The following SLC43A2 variants were observed in gnomAD, a reference collection of about 807,000 sequenced individuals.
The protein encoded by SLC43A2 is solute carrier family 43 member 2.
A neutral mutation model predicts 63.2 loss-of-function variants in SLC43A2; 38 were observed. The observed-to-expected ratio is 0.60, with a 90% confidence interval of 0.46 to 0.79. The LOEUF (loss-of-function observed/expected upper bound fraction) is 0.79, where lower values mean the gene tolerates loss of function less well. SLC43A2 is among the 30% of genes least tolerant of loss of function. The pLI is 0.00. For missense variants in SLC43A2, 644 were observed against 756.2 expected, an observed-to-expected ratio of 0.85 and a Z score of 1.74; for synonymous variants, 322 against 331.0, an observed-to-expected ratio of 0.97 and a Z score of 0.30.
intron 9 of SLC43A2, among the ~76,000 whole-genome samples, chr17:1,587,944 C>T (rs1415901887): frequency 6.6e-6 from 1 of 152,178 alleles, no homozygotes; most frequent in Non-Finnish European, 1.5e-5. Context: ...GCACTGTTGG[C>T]CCTGGACTGT....
intron 5 of SLC43A2, among the ~76,000 whole-genome samples, chr17:1,602,028 G>A (rs146670978): frequency 6.6e-6 from 1 of 152,142 alleles, no homozygotes; most frequent in Non-Finnish European, 1.5e-5. Flanking sequence ...CCCTCCCGAA[G>A]GTCCAAACCA....
rs749458286 is a variant in SLC43A2 at position 1,616,813 on chromosome 17, G to C, written c.161-44C>G. On this transcript the variant is annotated intron_variant, in intron 2 of 13. Coordinates refer to ENST00000301335, the MANE Select transcript of SLC43A2 (RefSeq NM_152346.3). The stretch of plus-strand genomic sequence containing the variant: ...AAACCCTGACCTCAGGGTCATGACA[G>C]GGATTCCCAAAGATCAGAAGGGCAG... 4.4e-6 allele frequency: 7 copies of C among 1,601,622 alleles called. No homozygotes were observed. In the East Asian group the frequency reaches 1.1e-4, roughly 26 times the overall value.
chr17:1,591,875 T>C (rs924881271), intron 6 of SLC43A2, among the ~76,000 whole-genome samples, 176 bp from the exon 7 acceptor site: 7 of 151,950 alleles, frequency 4.6e-5, no homozygotes, highest in Non-Finnish European at 1.0e-4. Flanking sequence ...CGCCTTCCAG[T>C]CCTCCCACCG....
chr17:1,586,927 A>AT, intron 9 of SLC43A2: 4 of 1,355,946 alleles, frequency 2.9e-6, no homozygotes, highest in Admixed American at 2.0e-5. Context: ...TTCCCTGACA[A>AT]TCCCCCCCAC....
intron 5 of SLC43A2, among the ~76,000 whole-genome samples, chr17:1,596,155 C>T (rs1167603285): frequency 6.6e-6 from 1 of 151,852 alleles, no homozygotes; most frequent in Admixed American, 6.6e-5. Context: ...CCTATCTCTA[C>T]TAAAAATACA....
rs1344539033 is a variant in SLC43A2, at chr17:1,573,217, T to A, written c.*2387A>T. The A allele has an allele frequency of 1.3e-5, 2 of 149,504 alleles. No homozygotes were observed. The highest frequency in any genetic ancestry group is 3.0e-5 in the Non-Finnish European group (2 of 67,686). 9.3% of individuals were successfully genotyped at this position (149,504 alleles called of 1,614,324 possible). A position where few individuals can be genotyped will look rare whatever the true frequency, so the allele number is the denominator to read the frequency against. On this transcript the variant is annotated 3_prime_UTR_variant, in exon 14 of 14. Transcript: ENST00000301335. ...AAAAAAAAGGCGGCCTTTTCCCAGC[T>A]GGCAGCACCCTGGCTAGTTAGGGTT...
upstream of SLC43A2, among the ~76,000 whole-genome samples, chr17:1,629,399 G>T (rs1908986343): frequency 6.6e-6 from 1 of 152,004 alleles, no homozygotes; most frequent in African/African-American, 2.4e-5. Context: ...CCGCCCCGGT[G>T]GTTCCCGTCC....
intron 5 of SLC43A2, among the ~76,000 whole-genome samples, chr17:1,611,977 G>GT (rs745577589): frequency 1.3e-5 from 2 of 151,942 alleles, no homozygotes; most frequent in African/African-American, 2.4e-5. Context: ...TTTTGTTGTT[G>GT]TTTTTGAGAC....
intron 9 of SLC43A2, among the ~76,000 whole-genome samples, 187 bp downstream of exon 9, chr17:1,590,615 G>A (rs543684299): frequency 2.0e-5 from 3 of 152,330 alleles, no homozygotes; most frequent in African/African-American, 7.2e-5. Context: ...AGGAAACCCT[G>A]ATGGGGACAC....
In SLC43A2 at chr17:1,583,867, T is replaced by TTTTTG. The variant is rs1022511452; in HGVS notation, c.1218-536_1218-532dup. On this transcript the variant is annotated intron_variant, in intron 10 of 13. Transcript: ENST00000301335. This position sits in a 1 kb window ranked among gnomAD's most constrained non-coding sequence, Gnocchi z 5.5. The stretch of plus-strand genomic sequence containing the variant: ...CCTGACCTAGATAGCACAGCACTGT[T>TTTTTG]TTTTGTTTTGTTTTGTTTTGTTTTT... 2.6e-5 allele frequency among the ~76,000 whole-genome samples: 4 copies of TTTTTG among 151,938 alleles called. No individual in the cohort carries two copies.
chr17:1,597,498 C>G (rs866171859), intron 5 of SLC43A2, among the ~76,000 whole-genome samples: 1 of 131,420 alleles, frequency 7.6e-6, no homozygotes, highest in African/African-American at 2.8e-5. Context: ...GAGCAAGACT[C>G]AAAAAAAAAA....
rs997311621 is a variant in SLC43A2 at position 1,593,005 on chromosome 17, G to A, written c.594+182C>T. On this transcript the variant is annotated intron_variant, in intron 6 of 13. Transcript: ENST00000301335. This position sits in a 1 kb window ranked among gnomAD's most constrained non-coding sequence, Gnocchi z 5.3. ...TCCTGCAGCCACATGCGTGATTCCCGTCCCCTGAGGCCCCGCGGTTTTCAT... is the reference window on the plus strand; with the variant it reads ...TCCTGCAGCCACATGCGTGATTCCCATCCCCTGAGGCCCCGCGGTTTTCAT... Among the ~76,000 whole-genome samples the A allele has an allele frequency of 2.0e-5, 3 of 152,144 alleles. No individual in the cohort carries two copies. Among genetic ancestry groups the A allele is most frequent in the African/African-American group, 2.4e-5 (1 of 41,440 alleles).
chr17:1,578,742 CT>C lies in SLC43A2; in HGVS notation c.1351-420del, dbSNP rs1290864189. 1 of 166,534 alleles carries C rather than the reference CT, an allele frequency of 6.0e-6. No individual in the cohort carries two copies. The highest frequency in any genetic ancestry group is 1.3e-5 in the Non-Finnish European group (1 of 75,956). The allele number at this position is 166,534 out of a possible 1,614,324, so 10.3% of individuals were successfully genotyped here. A position where few individuals can be genotyped will look rare whatever the true frequency, so the allele number is the denominator to read the frequency against. On this transcript the variant is annotated intron_variant, in intron 11 of 13. Transcript: ENST00000301335. This position sits in a 1 kb window ranked among gnomAD's most constrained non-coding sequence, Gnocchi z 6.5. ...ATGGGGTTTCACCATGTTGGCCCGG[CT>C]GGTCTCAAACTCATGACGTTGTGAT... is the stretch of plus-strand genomic sequence containing the variant.
chr17:1,618,629 C>T (rs1286866358), intron 2 of SLC43A2, among the ~76,000 whole-genome samples: 1 of 152,232 alleles, frequency 6.6e-6, no homozygotes, highest in Non-Finnish European at 1.5e-5. Flanking sequence ...GCACTGTGGT[C>T]ACTTCTGTGT....
Position 1,578,196 on chromosome 17 carries a change from C to T in SLC43A2, c.1424+54G>A. ...TCTCAGTCCCACCAGCAACCTCCCC[C>T]CGGCCATTCCCACACCCTCGCCCAC... On this transcript the variant is annotated intron_variant, in intron 12 of 13. Coordinates refer to ENST00000301335, the MANE Select transcript of SLC43A2 (RefSeq NM_152346.3). This position sits in a 1 kb window ranked among gnomAD's most constrained non-coding sequence, Gnocchi z 6.5. 1 of 1,571,212 alleles carries T rather than the reference C, an allele frequency of 6.4e-7. No individual in the cohort carries two copies. Among genetic ancestry groups the T allele is most frequent in the Non-Finnish European group, 8.7e-7 (1 of 1,144,066 alleles).
Position 1,591,410 on chromosome 17 carries a change from T to G in SLC43A2, c.790A>C (p.Lys264Gln). 1 of 1,613,120 alleles carries G rather than the reference T, an allele frequency of 6.2e-7. No individual in the cohort carries two copies. The highest frequency in any genetic ancestry group is 1.3e-5 in the African/African-American group (1 of 74,994). The change falls in exon 8 of 14, where the codon AAG becomes CAG. Residue 264 changes from lysine (K) to glutamine (Q), a missense_variant. Around this residue, in one of 3 missense-constraint regions of SLC43A2, gnomAD observed 528 missense variants for 623.6 expected, o/e 0.85. Transcript: ENST00000301335. Reference protein sequence around the residue: ...DHKITGKQFYKQVTTVGRRLS... With the variant: ...DHKITGKQFYQQVTTVGRRLS... Reference sequence around the variant, plus strand: ...CGCCGGCCCACCGTGGTCACCTGCTTGTAGAACTGCTTCCCTGTGATCTTG... The same window carrying G: ...CGCCGGCCCACCGTGGTCACCTGCTGGTAGAACTGCTTCCCTGTGATCTTG...
intron 10 of SLC43A2, chr17:1,585,538 C>A: frequency 1.7e-6 from 1 of 580,806 alleles, no homozygotes; most frequent in South Asian, 1.9e-5. Context: ...GAACCACCCT[C>A]CCTGGCCAAT....
chr17:1,596,693 C>A lies in SLC43A2; in HGVS notation c.502-3414G>T, dbSNP rs150125885. Reference sequence around the variant, plus strand: ...CTCCTGGGTTCATGCCATTCTCCCACCTCAGCCTCCCGAGCGGCACCTCCC... The same window carrying A: ...CTCCTGGGTTCATGCCATTCTCCCAACTCAGCCTCCCGAGCGGCACCTCCC... On this transcript the variant is annotated intron_variant, in intron 5 of 13. Coordinates refer to ENST00000301335, the MANE Select transcript of SLC43A2 (RefSeq NM_152346.3). 7.2e-3 allele frequency among the ~76,000 whole-genome samples: 1,093 copies of A among 152,150 alleles called. 17 individuals carry two copies. Among genetic ancestry groups the A allele is most frequent in the African/African-American group, 0.025 (1,038 of 41,518 alleles).
At chr17:1,618,172 G>C (rs528592290) in intron 2 of SLC43A2, among the ~76,000 whole-genome samples, 1 of 152,254 alleles carries the variant, frequency 6.6e-6, no homozygotes, top group Non-Finnish European at 1.5e-5. Flanking sequence ...TCATGCCAAC[G>C]TGTGGCCAAG....
Sources: gnomAD v4.1 joint callset for allele counts (sites outside exome capture counted in the v4.1 genomes callset) on GRCh38, gnomAD v4.1.1 for gene constraint, gnomAD v4.1.1 regional missense constraint, Gnocchi (gnomAD v3.1) non-coding constraint, MANE v1.5 for transcripts, NCBI Gene and HGNC (gene_info 2026-07-23, HGNC 2026-07-21) for gene names.